Variants in FRYL observed in about 807,000 individuals in gnomAD.
FRYL encodes the protein protein furry homolog-like.
FRYL carries 150 observed loss-of-function variants against 351.2 expected under a neutral mutation model. That is an observed-to-expected ratio of 0.43 (90% CI 0.37 to 0.49). The LOEUF is 0.49. Among genes scored for constraint, FRYL ranks in the 20% least tolerant of loss-of-function variants. The probability of loss-of-function intolerance (pLI) is 0.00; values close to 1 mark genes in which losing one functional copy is unlikely to be tolerated. For missense variants in FRYL, 3,036 were observed against 3,619.3 expected, an observed-to-expected ratio of 0.84 and a Z score of 4.13; for synonymous variants, 1,153 against 1,257.1, an observed-to-expected ratio of 0.92 and a Z score of 1.75.
intron 1 of FRYL, among the ~76,000 whole-genome samples, chr4:48,721,276 G>A (rs1212779222): frequency 6.6e-6 from 1 of 152,128 alleles, no homozygotes; most frequent in African/African-American, 2.4e-5. Context: ...GAGGTAGAGA[G>A]TGGAGGGGCA....
chr4:48,740,640 C>T (rs1201158194), intron 1 of FRYL, among the ~76,000 whole-genome samples: 2 of 152,010 alleles, frequency 1.3e-5, no homozygotes, highest in East Asian at 3.9e-4. Flanking sequence ...CAAAGATATA[C>T]AGATGGCAAA....
chr4:48,768,543 G>A (rs994820302), intron 1 of FRYL, among the ~76,000 whole-genome samples: 14 of 152,256 alleles, frequency 9.2e-5, no homozygotes, highest in Non-Finnish European at 1.3e-4. Flanking sequence ...AGTAGCTCAC[G>A]CCTGTAATCC....
intron 13 of FRYL, 126 bp from the exon 14 acceptor site, chr4:48,596,126 A>C: frequency 1.6e-6 from 1 of 645,004 alleles, no homozygotes; most frequent in South Asian, 2.0e-5. Context: ...TTTAAATACC[A>C]GGTACATATT....
At chr4:48,712,353 CA>C (rs1210988972) in intron 1 of FRYL, among the ~76,000 whole-genome samples, 1 of 151,812 alleles carries the variant, frequency 6.6e-6, no homozygotes, top group Non-Finnish European at 1.5e-5. Flanking sequence ...CTAGAATAAC[CA>C]ATACAGAGAA....
At chr4:48,737,006 G>A (rs566286167) in intron 1 of FRYL, among the ~76,000 whole-genome samples, 6 of 150,846 alleles carry the variant, frequency 4.0e-5, no homozygotes, top group African/African-American at 1.2e-4. Context: ...GTGGCCGGGC[G>A]TGGTGGCTCA....
intron 7 of FRYL, chr4:48,618,135 T>G (rs560802354): frequency 2.0e-5 from 3 of 152,174 alleles, no homozygotes; most frequent in African/African-American, 4.8e-5. Flanking sequence ...GAAGTCAAAT[T>G]TGGCTTGTTA....
intron 13 of FRYL, among the ~76,000 whole-genome samples, chr4:48,601,730 A>C (rs1194724820): frequency 6.6e-6 from 1 of 152,208 alleles, no homozygotes; most frequent in East Asian, 1.9e-4. Context: ...TATAATTCTA[A>C]AAGAATTAAC....
At chr4:48,741,521 C>T (rs1481306454) in intron 1 of FRYL, among the ~76,000 whole-genome samples, 6 of 151,886 alleles carry the variant, frequency 4.0e-5, no homozygotes, top group Admixed American at 3.9e-4. Flanking sequence ...GCCTGGGCAG[C>T]AGAGAGGGAT....
intron 33 of FRYL, among the ~76,000 whole-genome samples, chr4:48,558,801 C>A (rs991344372): frequency 1.3e-5 from 2 of 152,180 alleles, no homozygotes; most frequent in African/African-American, 2.4e-5. Context: ...ATTTGCTGAA[C>A]AATTACCAAA....
intron 3 of FRYL, among the ~76,000 whole-genome samples, chr4:48,682,469 A>C (rs572069264): frequency 6.6e-6 from 1 of 152,336 alleles, no homozygotes; most frequent in South Asian, 2.1e-4. Flanking sequence ...CTATCATCAG[A>C]GTGAACAGGC....
chr4:48,602,476 A>G (rs1745909571), intron 12 of FRYL, among the ~76,000 whole-genome samples: 1 of 152,166 alleles, frequency 6.6e-6, no homozygotes, highest in African/African-American at 2.4e-5. Flanking sequence ...TAACTTCACG[A>G]TGGCTACATT....
chr4:48,618,667 C>T (rs1037225173), intron 7 of FRYL: 1 of 151,422 alleles, frequency 6.6e-6, no homozygotes, highest in Admixed American at 6.6e-5. Context: ...TAAGACTATA[C>T]CTGACACTAT....
intron 2 of FRYL, among the ~76,000 whole-genome samples, chr4:48,693,544 AAAGAAGAC>A (rs1765857294): frequency 6.6e-6 from 1 of 152,256 alleles, no homozygotes; most frequent in African/African-American, 2.4e-5. Flanking sequence ...TATATCTTTA[AAAGAAGAC>A]ATAAATATTA....
chr4:48,696,247 A>G (rs1239142798), intron 2 of FRYL, among the ~76,000 whole-genome samples: 1 of 152,178 alleles, frequency 6.6e-6, no homozygotes, highest in Non-Finnish European at 1.5e-5. Context: ...CTGCAGCACT[A>G]TTTACAATAG....
At chr4:48,638,289 T>C (rs1440779923) in intron 3 of FRYL, 2 of 152,166 alleles carry the variant, frequency 1.3e-5, no homozygotes, top group Non-Finnish European at 2.9e-5. Context: ...AATTATTATT[T>C]ATACACCATA....
chr4:48,673,124 T>C (rs984481200), intron 3 of FRYL, among the ~76,000 whole-genome samples: 1 of 152,198 alleles, frequency 6.6e-6, no homozygotes, highest in Admixed American at 6.5e-5. Context: ...TAACACTTTG[T>C]AATGAAATGG....
chr4:48,565,996 C>T (rs1231474311), intron 28 of FRYL, among the ~76,000 whole-genome samples: 4 of 152,192 alleles, frequency 2.6e-5, no homozygotes, highest in Non-Finnish European at 5.9e-5. Context: ...GTCCATTTCT[C>T]CCTGGGCTAT....
At chr4:48,610,992 T>C (rs1748058977) in intron 7 of FRYL, among the ~76,000 whole-genome samples, 3 of 151,848 alleles carry the variant, frequency 2.0e-5, no homozygotes, top group African/African-American at 7.2e-5. Context: ...CTTGTAGAGT[T>C]CCACAGGAAA....
At chr4:48,697,029 C>T (rs1405981705) in intron 2 of FRYL, among the ~76,000 whole-genome samples, 3 of 151,926 alleles carry the variant, frequency 2.0e-5, no homozygotes, top group African/African-American at 7.3e-5. Flanking sequence ...TTCCTATATG[C>T]ATCAAATTTC....
Sources: gnomAD v4.1 joint callset for allele counts (sites outside exome capture counted in the v4.1 genomes callset) on GRCh38, gnomAD v4.1.1 for gene constraint, MANE v1.5 for transcripts, NCBI Gene and HGNC (gene_info 2026-07-23, HGNC 2026-07-21) for gene names.